The following ADGRD1 variants were observed in gnomAD, a reference collection of about 807,000 sequenced individuals.
ADGRD1 encodes the protein G-protein coupled receptor 133.
A neutral mutation model predicts 113.4 loss-of-function variants in ADGRD1; 77 were observed. The ratio of observed to expected loss-of-function variants is 0.68; its 90% confidence interval spans 0.57 to 0.82. The LOEUF is 0.82. ADGRD1 is among the 40% of genes least tolerant of loss of function. The pLI, the probability that ADGRD1 is intolerant of heterozygous loss-of-function variation, is 0.00. For missense variants in ADGRD1, 1,036 were observed against 1,139.1 expected, an observed-to-expected ratio of 0.91 and a Z score of 1.30; for synonymous variants, 474 against 475.0, an observed-to-expected ratio of 1.00 and a Z score of 0.03.
rs941091 is a variant in ADGRD1, at chr12:131,136,264, C to T, written c.2394+101C>T. The T allele has an allele frequency of 6.9e-3, 9,644 of 1,388,496 alleles. 527 individuals are homozygous for T. The African/African-American group carries it at 0.12, about 17-fold the overall frequency. 86.0% of individuals were successfully genotyped at this position (1,388,496 alleles called of 1,614,324 possible). ...AGGGGCAGGAGGGAGGCCTGCCCTC[C>T]CGGCCACACCTTAGGAGCCTGTAAT... On this transcript the variant is annotated intron_variant, in intron 22 of 24. Coordinates refer to ENST00000261654, the MANE Select transcript of ADGRD1 (RefSeq NM_198827.5).
chr12:131,045,762 C>G (rs73166626), intron 13 of ADGRD1, among the ~76,000 whole-genome samples: 10,823 of 152,192 alleles, frequency 0.071, 433 homozygotes, highest in Middle Eastern at 0.078. Context: ...CAAAGCACCA[C>G]AGCTGCCGGC....
At chr12:131,126,825 A>G (rs988354247) in intron 20 of ADGRD1, among the ~76,000 whole-genome samples, 7 of 152,212 alleles carry the variant, frequency 4.6e-5, no homozygotes, top group Non-Finnish European at 5.9e-5. Context: ...CACACTGTAC[A>G]TGCCTCAGTC....
intron 21 of ADGRD1, among the ~76,000 whole-genome samples, chr12:131,134,852 G>A (rs1951036279): frequency 1.3e-5 from 2 of 152,192 alleles, no homozygotes; most frequent in East Asian, 3.9e-4. Flanking sequence ...CTGAGTCCTG[G>A]TGCTGGGATG....
chr12:130,992,425 C>A, intron 8 of ADGRD1, 33 bp downstream of exon 8: 1 of 1,585,788 alleles, frequency 6.3e-7, no homozygotes, highest in Non-Finnish European at 8.6e-7. Flanking sequence ...TCTGGTGGAC[C>A]GGGCGTGGCA....
intron 16 of ADGRD1, among the ~76,000 whole-genome samples, chr12:131,105,222 A>T (rs1326286498): frequency 6.6e-6 from 1 of 152,208 alleles, no homozygotes; most frequent in African/African-American, 2.4e-5. Flanking sequence ...TGAGGGCCCG[A>T]CTGTGCCCAA....
At chr12:131,046,336 G>GTC (rs1882759569) in intron 13 of ADGRD1, among the ~76,000 whole-genome samples, 11 of 125,492 alleles carry the variant, frequency 8.8e-5, no homozygotes, top group African/African-American at 3.0e-4. Flanking sequence ...CCTGGTCAGT[G>GTC]CTCCCTCCCT....
chr12:130,991,105 C>G (rs142357859), intron 7 of ADGRD1, 27 bp downstream of exon 7: 7 of 1,599,628 alleles, frequency 4.4e-6, no homozygotes, highest in Non-Finnish European at 6.0e-6. Context: ...TCCTTGGTCC[C>G]CCTTGCTGAT....
chr12:131,092,990 C>T (rs1349416473), intron 15 of ADGRD1, among the ~76,000 whole-genome samples: 4 of 151,612 alleles, frequency 2.6e-5, no homozygotes, highest in African/African-American at 9.7e-5. Context: ...CCCCTGCACT[C>T]AGGGCGAGGT....
chr12:131,073,154 C>T (rs1885311994), intron 13 of ADGRD1, among the ~76,000 whole-genome samples: 2 of 152,228 alleles, frequency 1.3e-5, no homozygotes. Flanking sequence ...TGTGCTGGAA[C>T]CAGGTTCTGA....
At chr12:130,999,178 C>T (rs557621990) in intron 8 of ADGRD1, among the ~76,000 whole-genome samples, 11 of 152,302 alleles carry the variant, frequency 7.2e-5, no homozygotes, top group South Asian at 6.2e-4. Context: ...CTATGGCCCT[C>T]GAGTCAAATC....
intron 18 of ADGRD1, among the ~76,000 whole-genome samples, chr12:131,115,137 T>C (rs1950434044): frequency 6.6e-6 from 1 of 152,128 alleles, no homozygotes; most frequent in African/African-American, 2.4e-5. Context: ...AACAAACAGC[T>C]TCCATCCCTC....
At position 131,057,690 on chromosome 12, in the gene ADGRD1, C is replaced by G. The variant is rs1285243095; in HGVS notation, c.1474-19111C>G. Among the ~76,000 whole-genome samples, 2 of 152,176 alleles carry G rather than the reference C, an allele frequency of 1.3e-5. No individual in the cohort carries two copies. Among genetic ancestry groups the G allele is most frequent in the Non-Finnish European group, 2.9e-5 (2 of 68,034 alleles). On this transcript the variant is annotated intron_variant, in intron 13 of 24. Coordinates refer to ENST00000261654, the MANE Select transcript of ADGRD1 (RefSeq NM_198827.5). The surrounding 1 kb of genome is among the most constrained non-coding windows in gnomAD (Gnocchi z 4.2). ...GGCTCGTCCCCATCTAGCACAGTCT[C>G]ATCTTCAACGTTACATTAATGACAT...
chr12:131,017,935 C>T (rs1878822247), intron 13 of ADGRD1, among the ~76,000 whole-genome samples: 1 of 152,024 alleles, frequency 6.6e-6, no homozygotes, highest in African/African-American at 2.4e-5. Context: ...CAGACACACA[C>T]TCAGTACACA....
intron 15 of ADGRD1, among the ~76,000 whole-genome samples, chr12:131,085,522 G>C (rs1394259386): frequency 2.6e-5 from 4 of 152,172 alleles, no homozygotes; most frequent in Non-Finnish European, 5.9e-5. Flanking sequence ...GCTGTGCCTG[G>C]GAGCAGCTTG....
At chr12:131,035,117 T>A (rs1188919409) in intron 13 of ADGRD1, 2 of 153,234 alleles carry the variant, frequency 1.3e-5, no homozygotes, top group Non-Finnish European at 2.9e-5. Flanking sequence ...CCTCTGTCCG[T>A]GCCCTCACCT....
chr12:131,002,583 T>G (rs1431317880), intron 9 of ADGRD1: 2 of 1,046,770 alleles, frequency 1.9e-6, no homozygotes, highest in East Asian at 1.1e-4. Flanking sequence ...CCTGGTGATG[T>G]GTGTCTGAGG....
At chr12:131,037,015 TGCACCA>T (rs1881526428) in intron 13 of ADGRD1, among the ~76,000 whole-genome samples, 1 of 127,874 alleles carries the variant, frequency 7.8e-6, no homozygotes, top group South Asian at 2.9e-4. Flanking sequence ...TCTCACTCAC[TGCACCA>T]GGATCTTACT....
chr12:130,970,436 A>T (rs1593272180), intron 3 of ADGRD1: 1 of 152,216 alleles, frequency 6.6e-6, no homozygotes. Flanking sequence ...TTTAAAAATG[A>T]GTTTAAAAGC....
chr12:130,994,176 G>C, intron 8 of ADGRD1: 1 of 401,848 alleles, frequency 2.5e-6, no homozygotes, highest in South Asian at 1.8e-5. Context: ...CGGGGTGTTG[G>C]GTGGAAAGAG....
Sources: allele counts gnomAD v4.1 joint callset (sites outside exome capture counted in the v4.1 genomes callset), GRCh38; gene constraint gnomAD v4.1.1; non-coding constraint Gnocchi (gnomAD v3.1); transcripts MANE v1.5; gene names NCBI Gene and HGNC (gene_info 2026-07-23, HGNC 2026-07-21).